Variants in CLN8 observed in about 807,000 individuals in gnomAD.
CLN8 encodes protein CLN8.
CLN8 carries 14 observed loss-of-function variants against 15.7 expected under a neutral mutation model. The ratio of observed to expected loss-of-function variants is 0.89; its 90% CI spans 0.59 to 1.39. The LOEUF (loss-of-function observed/expected upper bound fraction) is 1.39, where lower values mean the gene tolerates loss of function less well. Ranked by LOEUF, CLN8 falls within the 40% of genes most tolerant of loss-of-function variation. CLN8 has a pLI of 0.00. For synonymous variants in CLN8, 188 were observed against 151.0 expected (o/e 1.25, Z -1.80); for missense variants, 415 against 364.0 (o/e 1.14, Z -1.14).
chr8:1,765,380 C>A (rs2130969223), intron 1 of CLN8, among the ~76,000 whole-genome samples: 1 of 152,186 alleles, frequency 6.6e-6, no homozygotes, highest in East Asian at 1.9e-4. Context: ...CCAGCAGGCA[C>A]CAAAAAATAG....
At chr8:1,764,365 G>C (rs1800954796) in intron 1 of CLN8, 1 of 152,634 alleles carries the variant, frequency 6.6e-6, no homozygotes, top group Admixed American at 6.5e-5. Flanking sequence ...GACAGGCGGA[G>C]GCGGAGGCGG....
chr8:1,757,068 G>C (rs1219448981), intron 1 of CLN8, among the ~76,000 whole-genome samples: 1 of 152,174 alleles, frequency 6.6e-6, no homozygotes, highest in African/African-American at 2.4e-5. Flanking sequence ...TGAAGCTGGA[G>C]AGCAGGCCTA....
chr8:1,758,419 A>T (rs1484513269), intron 1 of CLN8: 1 of 152,180 alleles, frequency 6.6e-6, no homozygotes, highest in Non-Finnish European at 1.5e-5. Flanking sequence ...AGGTCCTAAG[A>T]ACTGCTGCAT....
At chr8:1,759,764 A>G (rs1329419433), upstream of CLN8, 1 of 152,184 alleles carries the variant, frequency 6.6e-6, no homozygotes, top group African/African-American at 2.4e-5. Flanking sequence ...CCAGTGTTTT[A>G]AAGTGTTGTT....
intron 2 of CLN8, 83 bp from the exon 3 acceptor site, chr8:1,780,167 G>C: frequency 1.2e-6 from 2 of 1,611,244 alleles, no homozygotes; most frequent in Non-Finnish European, 1.7e-6. Context: ...TGGTAAGTAA[G>C]GTAGCAAATA....
chr8:1,778,626 A>G (rs2129014659), intron 2 of CLN8, among the ~76,000 whole-genome samples: 1 of 152,248 alleles, frequency 6.6e-6, no homozygotes, highest in East Asian at 1.9e-4. Flanking sequence ...AGTGCTTGGT[A>G]TGTTTGTGGA....
rs1389060580 is a variant in CLN8, at chr8:1,780,246, G to T, written c.544-4G>T. Reference sequence around the variant, plus strand: ...ACTTGTGCATTTGTCTTCTCTCCATGCAGGCGGGCTGGTCCGAGTCTCTGT... The same window carrying T: ...ACTTGTGCATTTGTCTTCTCTCCATTCAGGCGGGCTGGTCCGAGTCTCTGT... On this transcript the variant is annotated splice_region_variant and splice_polypyrimidine_tract_variant and intron_variant, in intron 2 of 2. Coordinates refer to ENST00000331222, the MANE Select transcript of CLN8 (RefSeq NM_018941.4). 1.2e-6 allele frequency: 2 copies of T among 1,614,160 alleles called. No individual in the cohort carries two copies. Among genetic ancestry groups the T allele is most frequent in the East Asian group, 4.5e-5 (2 of 44,906 alleles).
At chr8:1,776,012 G>A (rs927850225) in intron 2 of CLN8, among the ~76,000 whole-genome samples, 1 of 151,762 alleles carries the variant, frequency 6.6e-6, no homozygotes, top group Non-Finnish European at 1.5e-5. Flanking sequence ...CACGTGTGTG[G>A]TGGTGCTCCA....
chr8:1,768,610 T>A (rs1464491897), intron 1 of CLN8, among the ~76,000 whole-genome samples: 1 of 152,206 alleles, frequency 6.6e-6, no homozygotes, highest in East Asian at 1.9e-4. Flanking sequence ...TTTTAACCTT[T>A]AACAGTGTTG....
intron 2 of CLN8, among the ~76,000 whole-genome samples, chr8:1,777,147 A>G (rs897849707): frequency 6.6e-6 from 1 of 152,200 alleles, no homozygotes; most frequent in African/African-American, 2.4e-5. Context: ...CCCAGGCTGC[A>G]TACCTGTACA....
chr8:1,779,598 C>T (rs1801643770), intron 2 of CLN8, among the ~76,000 whole-genome samples: 1 of 152,184 alleles, frequency 6.6e-6, no homozygotes, highest in Admixed American at 6.5e-5. Context: ...CTCAGGCTGC[C>T]ACAGCAGACT....
chr8:1,754,634 C>T (rs180880970), upstream of CLN8, among the ~76,000 whole-genome samples: 412 of 152,290 alleles, frequency 2.7e-3, no homozygotes, highest in Non-Finnish European at 4.5e-3. Context: ...AAGCTGCTGT[C>T]GAACACACAT....
At chr8:1,768,572 C>G (rs1389761447) in intron 1 of CLN8, among the ~76,000 whole-genome samples, 1 of 152,180 alleles carries the variant, frequency 6.6e-6, no homozygotes, top group East Asian at 1.9e-4. Context: ...TGGAAAAGTA[C>G]AGGGAGAAGT....
At chr8:1,773,988 T>C (rs925364957) in intron 2 of CLN8, 1 of 152,362 alleles carries the variant, frequency 6.6e-6, no homozygotes, top group East Asian at 1.9e-4. Context: ...TTAATAGTTA[T>C]CTTGTATTTT....
At chr8:1,776,742 C>T (rs571882837) in intron 2 of CLN8, among the ~76,000 whole-genome samples, 2 of 152,330 alleles carry the variant, frequency 1.3e-5, no homozygotes, top group Admixed American at 1.3e-4. Flanking sequence ...CGGCTCCATG[C>T]ATAGGTCTGT....
chr8:1,757,430 G>C (rs986210752), intron 1 of CLN8, among the ~76,000 whole-genome samples: 1 of 152,120 alleles, frequency 6.6e-6, no homozygotes, highest in African/African-American at 2.4e-5. Flanking sequence ...TCTTGTCAAG[G>C]CACTTTTTTT....
Position 1,756,974 on chromosome 8 carries a change from T to TG in CLN8, c.-124+893dup, listed in dbSNP as rs558906468. Among the ~76,000 whole-genome samples, 104 of 152,202 alleles carry TG rather than the reference T, an allele frequency of 6.8e-4. 1 individual carries two copies. Among genetic ancestry groups the TG allele is most frequent in the African/African-American group, 2.3e-3 (95 of 41,526 alleles). On this transcript the variant is annotated intron_variant, in intron 1 of 1. Coordinates refer to the CLN8 transcript ENST00000524258. ...CTGGGATTACAGGCATGAGCCACCA[T>TG]GCCTGGCCTGAATTAAGCATTTCTT...
chr8:1,760,891 C>T (rs531201954), upstream of CLN8, among the ~76,000 whole-genome samples: 1 of 152,234 alleles, frequency 6.6e-6, no homozygotes, highest in East Asian at 1.9e-4. Flanking sequence ...AATGTAAAAG[C>T]CAAGCTACGT....
Position 1,780,506 on chromosome 8 carries a change from A to T in CLN8, c.800A>T (p.Gln267Leu), listed in dbSNP as rs1801683728. 6.2e-7 allele frequency: 1 copy of T among 1,614,150 alleles called. No homozygotes were observed. The highest frequency in any genetic ancestry group is 1.3e-5 in the African/African-American group (1 of 74,954). Reference sequence around the variant, plus strand: ...AATCCGGTGGACTGGAACTTCGCACAGCCAGAAGCCAAGAGCAGGCCAGAA... The same window carrying T: ...AATCCGGTGGACTGGAACTTCGCACTGCCAGAAGCCAAGAGCAGGCCAGAA... ...LLNPVDWNFA[Q>L]PEAKSRPEGN... The change falls in exon 3 of 3, where the codon CAG (glutamine) becomes CTG (leucine). Residue 267 changes from glutamine to leucine, a missense_variant. Transcript: ENST00000331222.
Sources: gnomAD v4.1 joint callset for allele counts (sites outside exome capture counted in the v4.1 genomes callset) on GRCh38, gnomAD v4.1.1 for gene constraint, MANE v1.5 for transcripts, NCBI Gene and HGNC (gene_info 2026-07-23, HGNC 2026-07-21) for gene names.